Variants in ICA1L observed in about 807,000 individuals in gnomAD.
ICA1L encodes islet cell autoantigen 1 like.
A neutral mutation model predicts 61.3 loss-of-function variants in ICA1L; 50 were observed. That is an observed-to-expected ratio of 0.82 (90% confidence interval 0.65 to 1.03). The LOEUF is 1.03. Among genes scored for constraint, ICA1L ranks in the 50% least tolerant of loss-of-function variants. The pLI, the probability that ICA1L is intolerant of heterozygous loss-of-function variation, is 0.00. For missense variants in ICA1L, 508 were observed against 556.7 expected (o/e 0.91, Z 0.88); for synonymous variants, 161 against 191.3 (o/e 0.84, Z 1.31).
At chr2:202,816,787 A>T (rs532237774) in intron 6 of ICA1L, among the ~76,000 whole-genome samples, 2 of 152,304 alleles carry the variant, frequency 1.3e-5, no homozygotes, top group East Asian at 3.9e-4. Context: ...TTTTCCATTG[A>T]AAAATATATG....
At chr2:202,835,896 G>T (rs910088007) in intron 1 of ICA1L, among the ~76,000 whole-genome samples, 7 of 152,114 alleles carry the variant, frequency 4.6e-5, no homozygotes, top group Non-Finnish European at 1.0e-4. Context: ...TTTACTGAAT[G>T]TATTACTTGT....
At chr2:202,839,328 G>A (rs1038601290) in intron 1 of ICA1L, among the ~76,000 whole-genome samples, 53 of 151,764 alleles carry the variant, frequency 3.5e-4, no homozygotes, top group Non-Finnish European at 1.3e-4. Flanking sequence ...GTGAAACCCC[G>A]TCTCTACTAA....
intron 12 of ICA1L, among the ~76,000 whole-genome samples, chr2:202,780,967 A>T (rs1255582596): frequency 6.6e-6 from 1 of 152,208 alleles, no homozygotes; most frequent in Non-Finnish European, 1.5e-5. Flanking sequence ...ATTAGTCATT[A>T]TGCCAGAAGA....
At position 202,773,406 on chromosome 2, in the gene ICA1L, CA is replaced by C; in HGVS notation, c.*6126del. The C allele has an allele frequency of 6.0e-6, 1 of 167,738 alleles. No individual in the cohort carries two copies. The highest frequency in any genetic ancestry group is 1.3e-5 in the Non-Finnish European group (1 of 77,380). 10.4% of individuals were successfully genotyped at this position (167,738 alleles called of 1,614,324 possible). ...CTTGAAGCTAAACAAACAAAGAAAA[CA>C]AAATTTCAATGACTCTTAGATGAAT... On this transcript the variant is annotated 3_prime_UTR_variant, in exon 13 of 13. Coordinates refer to ENST00000358299, the MANE Select transcript of ICA1L (RefSeq NM_001288622.3).
chr2:202,795,605 GAA>G (rs531882772), intron 10 of ICA1L, among the ~76,000 whole-genome samples: 2 of 150,594 alleles, frequency 1.3e-5, no homozygotes, highest in African/African-American at 2.4e-5. Context: ...CAAAAAAAAA[GAA>G]AAAAAACAAC....
Position 202,774,239 on chromosome 2 carries a change from T to G in ICA1L, c.*5294A>C. ...GAAGGCGCGGGGCGGCTCCTGAGTC[T>G]TCTCGCTCCTGTCGGCCAAAGGCCG... On this transcript the variant is annotated 3_prime_UTR_variant, in exon 13 of 13. Transcript: ENST00000358299. 2.6e-6 allele frequency: 4 copies of G among 1,547,632 alleles called. No homozygotes were observed. The highest frequency in any genetic ancestry group is 3.5e-6 in the Non-Finnish European group (4 of 1,145,914).
At chr2:202,787,086 A>G (rs1692611099) in intron 11 of ICA1L, among the ~76,000 whole-genome samples, 2 of 152,312 alleles carry the variant, frequency 1.3e-5, no homozygotes, top group South Asian at 4.1e-4. Context: ...AGGAGAGAGA[A>G]AAGTAAATAT....
rs748065269 is a variant in ICA1L at position 202,778,573 on chromosome 2, A to G, written c.*960T>C. On this transcript the variant is annotated 3_prime_UTR_variant, in exon 13 of 13. Coordinates refer to ENST00000358299, the MANE Select transcript of ICA1L (RefSeq NM_001288622.3). ...CAAAATATGAGATAAGTATGCAAAT[A>G]TATGTAAGGATAAGGTGTTCATAAG... 3 of 152,224 alleles carry G rather than the reference A, an allele frequency of 2.0e-5. No homozygotes were observed. Among genetic ancestry groups the G allele is most frequent in the Non-Finnish European group, 4.4e-5 (3 of 68,036 alleles). The allele number at this position is 152,224 out of a possible 1,614,324, so 9.4% of individuals were successfully genotyped here. A position where few individuals can be genotyped will look rare whatever the true frequency, so the allele number is the denominator to read the frequency against.
At chr2:202,840,405 C>A in intron 1 of ICA1L, 1 of 491,824 alleles carries the variant, frequency 2.0e-6, no homozygotes, top group South Asian at 1.5e-5. Flanking sequence ...ACAACTATGG[C>A]CCTGGTGAAG....
At chr2:202,830,393 C>T (rs543587607) in intron 1 of ICA1L, among the ~76,000 whole-genome samples, 54 of 151,990 alleles carry the variant, frequency 3.6e-4, no homozygotes, top group Middle Eastern at 3.4e-3. Flanking sequence ...GACAACAGAG[C>T]GAGACTCCGT....
intron 1 of ICA1L, among the ~76,000 whole-genome samples, chr2:202,830,107 A>G (rs1188075924): frequency 2.0e-5 from 3 of 152,224 alleles, no homozygotes; most frequent in Non-Finnish European, 2.9e-5. Context: ...ATAAAAATTA[A>G]CATATGCTAG....
In ICA1L at chr2:202,803,579, T is replaced by C. The variant is rs963317086; in HGVS notation, c.911-6615A>G. Among the ~76,000 whole-genome samples the C allele has an allele frequency of 4.6e-5, 7 of 152,068 alleles. No homozygotes were observed. In the East Asian group the frequency reaches 7.7e-4, roughly 17 times the overall value. On this transcript the variant is annotated intron_variant, in intron 9 of 12. Transcript: ENST00000358299. ...AGACAGGTTGTCACTCTGTCGACCATGCTGGAGTGCAGTGGAGCAATCTTG... is the reference window on the plus strand; with the variant it reads ...AGACAGGTTGTCACTCTGTCGACCACGCTGGAGTGCAGTGGAGCAATCTTG...
rs78602741 is a variant in ICA1L, at chr2:202,774,353, C to G, written c.*5180G>C. ...CGCTGAGGCGAGCCTGCCGCGCGCT[C>G]CGCTCAGCGTGGTCTGGCAGCCGGA... On this transcript the variant is annotated 3_prime_UTR_variant, in exon 13 of 13. Coordinates refer to ENST00000358299, the MANE Select transcript of ICA1L (RefSeq NM_001288622.3). The G allele has an allele frequency of 7.3e-3, 10,075 of 1,372,544 alleles. 598 individuals carry two copies. In the African/African-American group the frequency reaches 0.13, roughly 18 times the overall value. The allele number at this position is 1,372,544 out of a possible 1,614,324, so 85.0% of individuals were successfully genotyped here.
intron 1 of ICA1L, among the ~76,000 whole-genome samples, chr2:202,865,305 C>G (rs1321510231): frequency 6.6e-6 from 1 of 150,678 alleles, no homozygotes; most frequent in African/African-American, 2.4e-5. Context: ...CTTGTCTCTA[C>G]TAAAAATGCA....
At chr2:202,834,998 ATTTATT>A (rs1187267914) in intron 1 of ICA1L, among the ~76,000 whole-genome samples, 1 of 151,816 alleles carries the variant, frequency 6.6e-6, no homozygotes, top group East Asian at 1.9e-4. Context: ...TGCCTGGCTA[ATTTATT>A]TTTATTTTTG....
chr2:202,833,128 G>A (rs1694057414), intron 1 of ICA1L, among the ~76,000 whole-genome samples: 2 of 151,924 alleles, frequency 1.3e-5, no homozygotes, highest in South Asian at 2.1e-4. Flanking sequence ...AAGCAACAGA[G>A]AAAAATGGCA....
chr2:202,845,830 T>A (rs756238015), intron 1 of ICA1L, among the ~76,000 whole-genome samples: 7 of 152,302 alleles, frequency 4.6e-5, no homozygotes, highest in Non-Finnish European at 1.0e-4. Flanking sequence ...ATGTGCACAC[T>A]GAAGCACTGA....
intron 9 of ICA1L, among the ~76,000 whole-genome samples, chr2:202,797,863 T>C (rs575465913): frequency 6.6e-6 from 1 of 152,234 alleles, no homozygotes; most frequent in South Asian, 2.1e-4. Flanking sequence ...TTAAATACAG[T>C]CACCACGTTT....
At chr2:202,793,527 A>T (rs1401449779) in intron 10 of ICA1L, among the ~76,000 whole-genome samples, 11 of 135,398 alleles carry the variant, frequency 8.1e-5, no homozygotes, top group Non-Finnish European at 1.1e-4. Flanking sequence ...AAAAAAAAAA[A>T]ATTAGCCAGG....
Sources: allele counts gnomAD v4.1 joint callset (sites outside exome capture counted in the v4.1 genomes callset), GRCh38; gene constraint gnomAD v4.1.1; transcripts MANE v1.5; gene names NCBI Gene and HGNC (gene_info 2026-07-23, HGNC 2026-07-21).